TENM3: variants seen among roughly 807,000 people sequenced by gnomAD.
The protein encoded by TENM3 is teneurin transmembrane protein 3.
Under a neutral mutation model 255.1 loss-of-function variants are expected in TENM3, and 63 were observed. The observed-to-expected ratio is 0.25, with a 90% confidence interval of 0.20 to 0.30. The LOEUF (loss-of-function observed/expected upper bound fraction) is 0.30, where lower values mean the gene tolerates loss of function less well. Among genes scored for constraint, TENM3 ranks in the 10% least tolerant of loss-of-function variants. The pLI is 1.00. For missense variants in TENM3, 2,929 were observed against 3,461.1 expected, an observed-to-expected ratio of 0.85 and a Z score of 3.86; for synonymous variants, 1,306 against 1,322.3, an observed-to-expected ratio of 0.99 and a Z score of 0.27.
chr4:182,345,384 A>T (rs1289762935), intron 2 of TENM3, among the ~76,000 whole-genome samples: 2 of 152,254 alleles, frequency 1.3e-5, no homozygotes, highest in Non-Finnish European at 2.9e-5. Flanking sequence ...TGTTTCTCAT[A>T]TCAACCTATT....
At chr4:181,742,313 C>A in the TENM3 span, among the ~76,000 whole-genome samples, 1 of 152,032 alleles carries the variant, frequency 6.6e-6, no homozygotes, top group African/African-American at 2.4e-5. Flanking sequence ...TTACCAAATT[C>A]TCTCTCGTCT....
intron 6 of TENM3, among the ~76,000 whole-genome samples, chr4:182,656,086 C>T (rs79473299): frequency 1.3e-5 from 2 of 152,124 alleles, no homozygotes; most frequent in East Asian, 1.9e-4. Flanking sequence ...CAGTTTTATA[C>T]AGTTCTGTGC....
chr4:181,563,585 A>T, the TENM3 span, among the ~76,000 whole-genome samples: 3 of 152,216 alleles, frequency 2.0e-5, no homozygotes, highest in Non-Finnish European at 2.9e-5. Context: ...AAAAGAAAGG[A>T]TGTGGGACTT....
upstream of TENM3, among the ~76,000 whole-genome samples, chr4:182,239,792 C>CA (rs70956503): frequency 4.0e-5 from 6 of 151,634 alleles, no homozygotes; most frequent in Admixed American, 2.6e-4. Context: ...CAAATAATCG[C>CA]AAAAAAAGCT....
At chr4:182,689,928 C>T (rs1417961828) in intron 12 of TENM3, among the ~76,000 whole-genome samples, 1 of 152,194 alleles carries the variant, frequency 6.6e-6, no homozygotes, top group Non-Finnish European at 1.5e-5. Context: ...TTTTATTCTT[C>T]CAGTGTGGCC....
chr4:181,782,145 A>C, the TENM3 span, among the ~76,000 whole-genome samples: 1 of 152,146 alleles, frequency 6.6e-6, no homozygotes, highest in Non-Finnish European at 1.5e-5. Flanking sequence ...AAAATGAGTT[A>C]GGGAGGATTC....
the TENM3 span, among the ~76,000 whole-genome samples, chr4:181,495,587 C>A: frequency 6.6e-6 from 1 of 151,234 alleles, no homozygotes; most frequent in South Asian, 2.1e-4. Flanking sequence ...GAGAGACATT[C>A]ATTTTAAAAG....
chr4:182,558,231 A>G (rs1164303662), intron 3 of TENM3, among the ~76,000 whole-genome samples: 1 of 152,160 alleles, frequency 6.6e-6, no homozygotes, highest in Non-Finnish European at 1.5e-5. Context: ...TGCACTCCTA[A>G]TGAATTGTGC....
At chr4:181,791,615 A>G in the TENM3 span, among the ~76,000 whole-genome samples, 1 of 152,214 alleles carries the variant, frequency 6.6e-6, no homozygotes, top group African/African-American at 2.4e-5. Flanking sequence ...AGTCCAGCAC[A>G]TTTTAAGAAA....
chr4:182,053,645 G>T, the TENM3 span, among the ~76,000 whole-genome samples: 2 of 152,202 alleles, frequency 1.3e-5, no homozygotes, highest in Non-Finnish European at 2.9e-5. Context: ...AAGTGGGGAG[G>T]TTGCTACAGC....
chr4:181,812,751 G>A, the TENM3 span, among the ~76,000 whole-genome samples: 1 of 152,150 alleles, frequency 6.6e-6, no homozygotes, highest in African/African-American at 2.4e-5. Context: ...CACTGAGCAT[G>A]GCTCAGAATT....
intron 3 of TENM3, among the ~76,000 whole-genome samples, chr4:182,540,633 G>A (rs11734645): frequency 0.47 from 71,783 of 151,858 alleles, 17,157 homozygotes; most frequent in East Asian, 0.55. Context: ...GTGAACCCGT[G>A]TGTCTCACCA....
chr4:182,309,215 C>T (rs971861990), intron 1 of TENM3, among the ~76,000 whole-genome samples: 1 of 152,176 alleles, frequency 6.6e-6, no homozygotes, highest in South Asian at 2.1e-4. Context: ...GCCATGTTGA[C>T]GGAGACACCT....
chr4:181,907,682 A>G, the TENM3 span, among the ~76,000 whole-genome samples: 5 of 152,238 alleles, frequency 3.3e-5, no homozygotes, highest in African/African-American at 1.2e-4. Flanking sequence ...CCATTGCCCT[A>G]TGAGATCATC....
At chr4:181,880,510 T>G in the TENM3 span, among the ~76,000 whole-genome samples, 1 of 152,180 alleles carries the variant, frequency 6.6e-6, no homozygotes, top group Non-Finnish European at 1.5e-5. Flanking sequence ...GGTTTATCAT[T>G]TTGACTGATA....
At chr4:181,489,509 C>G in the TENM3 span, among the ~76,000 whole-genome samples, 4 of 152,112 alleles carry the variant, frequency 2.6e-5, no homozygotes, top group Non-Finnish European at 5.9e-5. Flanking sequence ...ATTCCTAGTT[C>G]AGGAACATTA....
chr4:182,327,053 G>A (rs1763459979), intron 2 of TENM3, among the ~76,000 whole-genome samples: 1 of 152,154 alleles, frequency 6.6e-6, no homozygotes, highest in Non-Finnish European at 1.5e-5. Context: ...AGAGAAACGA[G>A]TAAGGAAAGT....
chr4:182,426,341 TA>T, intron 3 of TENM3, among the ~76,000 whole-genome samples: 1 of 152,134 alleles, frequency 6.6e-6, no homozygotes, highest in East Asian at 1.9e-4. Flanking sequence ...TTTGAAAAAC[TA>T]ATGAAGAAAG....
At chr4:181,486,332 C>T in the TENM3 span, among the ~76,000 whole-genome samples, 1 of 152,190 alleles carries the variant, frequency 6.6e-6, no homozygotes, top group South Asian at 2.1e-4. Context: ...AGACTTGCCA[C>T]ATTCACATTG....
Sources: gnomAD v4.1 joint callset for allele counts (sites outside exome capture counted in the v4.1 genomes callset) on GRCh38, gnomAD v4.1.1 for gene constraint, MANE v1.5 for transcripts, NCBI Gene and HGNC (gene_info 2026-07-23, HGNC 2026-07-21) for gene names.